ANKRD30A: variants seen among roughly 807,000 people sequenced by gnomAD.
ANKRD30A encodes ankyrin repeat domain-containing protein 30A.
In ANKRD30A, 170 loss-of-function variants were observed where a neutral mutation model predicts 166.3. That is an observed-to-expected ratio of 1.02 (90% CI 0.90 to 1.16). The LOEUF is 1.16. Ranked by LOEUF, ANKRD30A falls within the 50% of genes most tolerant of loss-of-function variation. The probability of loss-of-function intolerance (pLI) is 0.00; values close to 1 mark genes in which losing one functional copy is unlikely to be tolerated. For missense variants in ANKRD30A, 1,630 were observed against 1,518.0 expected, an observed-to-expected ratio of 1.07 and a Z score of -1.23; for synonymous variants, 564 against 508.9, an observed-to-expected ratio of 1.11 and a Z score of -1.46.
Position 37,197,409 on chromosome 10 carries a change from C to G in ANKRD30A, c.2645C>G (p.Pro882Arg). 2 of 1,612,600 alleles carry G rather than the reference C, an allele frequency of 1.2e-6. No homozygotes were observed. Among genetic ancestry groups the G allele is most frequent in the Non-Finnish European group, 1.7e-6 (2 of 1,179,720 alleles). Residue 882 changes from proline to arginine, a missense_variant and splice_region_variant, in exon 29 of 36, where the codon CCT (proline) becomes CGT (arginine). Pro to Arg is a moderately radical substitution (Grantham distance 103). Coordinates refer to ENST00000361713, the MANE Select transcript of ANKRD30A (RefSeq NM_052997.3). Reference protein sequence around the residue: ...EPPEKPSAFEPAIEMQKSVPN... With the variant: ...EPPEKPSAFERAIEMQKSVPN... ...CATTTTGCTTCCAACCCCATTTAGC[C>G]TGCCATTGAAATGCAAAAGTCTGTT...
chr10:37,144,959 G>A (rs750007128), intron 7 of ANKRD30A, 36 bp from the exon 8 acceptor site: 1 of 1,428,828 alleles, frequency 7.0e-7, no homozygotes, highest in Non-Finnish European at 9.7e-7. Context: ...AATAAGAAAT[G>A]TTATCATGAA....
chr10:37,216,168 C>T lies in ANKRD30A; in HGVS notation c.2870-13C>T, dbSNP rs910645315. Reference sequence around the variant, plus strand: ...TACTAATATATTTTATTTGTATCTCCTCCTTGAGACAGATTCAACTAGCCT... The same window carrying T: ...TACTAATATATTTTATTTGTATCTCTTCCTTGAGACAGATTCAACTAGCCT... On this transcript the variant is annotated splice_polypyrimidine_tract_variant and intron_variant, in intron 31 of 35. Coordinates refer to ENST00000361713, the MANE Select transcript of ANKRD30A (RefSeq NM_052997.3). 1 of 1,544,164 alleles carries T rather than the reference C, an allele frequency of 6.5e-7. No individual in the cohort carries two copies. Among genetic ancestry groups the T allele is most frequent in the Non-Finnish European group, 8.8e-7 (1 of 1,133,536 alleles).
At chr10:37,228,103 A>G (rs938315074) in intron 34 of ANKRD30A, among the ~76,000 whole-genome samples, 1 of 151,978 alleles carries the variant, frequency 6.6e-6, no homozygotes, top group Non-Finnish European at 1.5e-5. Flanking sequence ...AGCTTCATAC[A>G]TATTTTTTGG....
downstream of ANKRD30A, among the ~76,000 whole-genome samples, chr10:37,235,329 C>T (rs1843624686): frequency 6.6e-6 from 1 of 152,158 alleles, no homozygotes; most frequent in Non-Finnish European, 1.5e-5. Context: ...CAGTTTCTTT[C>T]TCTGTGACAC....
At chr10:37,212,232 A>G (rs1357320373) in intron 31 of ANKRD30A, among the ~76,000 whole-genome samples, 2 of 152,036 alleles carry the variant, frequency 1.3e-5, no homozygotes, top group East Asian at 1.9e-4. Context: ...ATAACAGACA[A>G]ACAGACAGCC....
chr10:37,248,191 T>C, the ANKRD30A span: 1 of 634,366 alleles, frequency 1.6e-6, no homozygotes, highest in Non-Finnish European at 3.1e-6. Context: ...ATGCTCAGGT[T>C]TCCCCAGCTC....
At chr10:37,214,792 C>T (rs1312508716) in intron 31 of ANKRD30A, among the ~76,000 whole-genome samples, 1 of 151,144 alleles carries the variant, frequency 6.6e-6, no homozygotes, top group Non-Finnish European at 1.5e-5. Flanking sequence ...TTCATTTCTT[C>T]TCTTCCAGCC....
At chr10:37,162,546 C>T (rs945006482) in intron 15 of ANKRD30A, 103 bp from the exon 16 acceptor site, 51 of 1,458,468 alleles carry the variant, frequency 3.5e-5, no homozygotes, top group Non-Finnish European at 4.8e-5. Flanking sequence ...ATTCATTCTC[C>T]AATTGGAGCA....
In ANKRD30A at chr10:37,125,661, A is replaced by G. The variant is rs562434192; in HGVS notation, c.-127A>G. Reference sequence around the variant, plus strand: ...TGTGCAAGAGCTTGGCGAACACAGAACTTTTTACGGGTATCGAGGCGGTGC... The same window carrying G: ...TGTGCAAGAGCTTGGCGAACACAGAGCTTTTTACGGGTATCGAGGCGGTGC... On this transcript the variant is annotated 5_prime_UTR_variant, in exon 1 of 36. Transcript: ENST00000361713. 47 of 410,006 alleles carry G rather than the reference A, an allele frequency of 1.1e-4. No homozygotes were observed. Among genetic ancestry groups the G allele is most frequent in the African/African-American group, 7.1e-4 (34 of 47,788 alleles). The allele number at this position is 410,006 out of a possible 1,614,324, so 25.4% of individuals were successfully genotyped here. A position where few individuals can be genotyped will look rare whatever the true frequency, so the allele number is the denominator to read the frequency against.
intron 5 of ANKRD30A, chr10:37,135,129 A>G (rs1352984808): frequency 6.6e-6 from 1 of 152,218 alleles, no homozygotes. Context: ...CTGCATTACC[A>G]TGAAGCCATT....
chr10:37,192,124 C>G (rs1053494424), intron 25 of ANKRD30A, among the ~76,000 whole-genome samples: 89 of 152,086 alleles, frequency 5.9e-4, no homozygotes, highest in African/African-American at 1.3e-3. Flanking sequence ...GCAACCTCCA[C>G]CTCCTGGGTT....
At chr10:37,131,499 G>A (rs535056084) in intron 3 of ANKRD30A, among the ~76,000 whole-genome samples, 27 of 152,254 alleles carry the variant, frequency 1.8e-4, no homozygotes, top group Middle Eastern at 3.4e-3. Flanking sequence ...AAGTTCACTT[G>A]AAGCCAATCT....
intron 31 of ANKRD30A, among the ~76,000 whole-genome samples, chr10:37,205,351 A>T (rs1378390577): frequency 6.6e-6 from 1 of 152,012 alleles, no homozygotes. Context: ...TCGCAAGGAC[A>T]GAAAACCAAA....
intron 15 of ANKRD30A, among the ~76,000 whole-genome samples, chr10:37,161,332 CAG>C (rs1449745850): frequency 2.6e-5 from 4 of 151,874 alleles, no homozygotes; most frequent in Non-Finnish European, 2.9e-5. Context: ...AAAAGATAAA[CAG>C]AAATTATAGA....
At chr10:37,196,076 G>T (rs1185228822) in intron 27 of ANKRD30A, among the ~76,000 whole-genome samples, 1 of 146,570 alleles carries the variant, frequency 6.8e-6, no homozygotes, top group Non-Finnish European at 1.5e-5. Flanking sequence ...AGAGTTAGAG[G>T]TTTTTTTATA....
intron 25 of ANKRD30A, among the ~76,000 whole-genome samples, chr10:37,192,605 A>G (rs187703827): frequency 4.6e-5 from 7 of 152,036 alleles, no homozygotes; most frequent in East Asian, 1.9e-4. Flanking sequence ...CAAATTGAAG[A>G]ACATAATAGC....
rs545420211 is a variant in ANKRD30A, at chr10:37,191,288, T to C, written c.2512+1731T>C. Among the ~76,000 whole-genome samples, 15 of 152,052 alleles carry C rather than the reference T, an allele frequency of 9.9e-5. 1 individual carries two copies. Among genetic ancestry groups the C allele is most frequent in the African/African-American group, 3.4e-4 (14 of 41,416 alleles). Reference sequence around the variant, plus strand: ...ATGGGTATGAAAATCAAGGAATATTTATATTTAATATTATGCTCTAAATAT... The same window carrying C: ...ATGGGTATGAAAATCAAGGAATATTCATATTTAATATTATGCTCTAAATAT... On this transcript the variant is annotated intron_variant, in intron 25 of 35. Coordinates refer to ENST00000361713, the MANE Select transcript of ANKRD30A (RefSeq NM_052997.3).
chr10:37,194,403 G>C (rs1271335900), intron 27 of ANKRD30A, among the ~76,000 whole-genome samples: 1 of 150,654 alleles, frequency 6.6e-6, no homozygotes, highest in Non-Finnish European at 1.5e-5. Context: ...GTGCCATGGC[G>C]CCATCTCGGC....
rs775525773 is a variant in ANKRD30A at position 37,142,124 on chromosome 10, A to G, written c.1227A>G (p.Ala409=). The part of the protein sequence containing the change: ...AKETSEKFTW[A]AKGRPRKIAW... Reference sequence around the variant, plus strand: ...AAACATCTGAGAAATTTACGTGGGCAGCAAAAGGAAGACCTAGGAAGATCG... The same window carrying G: ...AAACATCTGAGAAATTTACGTGGGCGGCAAAAGGAAGACCTAGGAAGATCG... The change falls in exon 7 of 36, where the codon GCA becomes GCG. Residue 409 remains alanine, a synonymous_variant. Transcript: ENST00000361713. 1.9e-6 allele frequency: 3 copies of G among 1,614,028 alleles called. No homozygotes were observed. The highest frequency in any genetic ancestry group is 2.5e-6 in the Non-Finnish European group (3 of 1,180,010).
Sources: allele counts gnomAD v4.1 joint callset (sites outside exome capture counted in the v4.1 genomes callset), GRCh38; gene constraint gnomAD v4.1.1; transcripts MANE v1.5; gene names NCBI Gene and HGNC (gene_info 2026-07-23, HGNC 2026-07-21).